Variants in CCDC170 observed in about 807,000 individuals in gnomAD.
The protein encoded by CCDC170 is coiled-coil domain containing 170, also known as coiled-coil domain-containing protein 170.
Under a neutral mutation model 72.6 loss-of-function variants are expected in CCDC170, and 69 were observed. The observed-to-expected ratio is 0.95, with a 90% CI of 0.78 to 1.16. The LOEUF (loss-of-function observed/expected upper bound fraction) is 1.16, where lower values mean the gene tolerates loss of function less well. Among genes scored for constraint, CCDC170 ranks in the 50% most tolerant of loss-of-function variants. The pLI, the probability that CCDC170 is intolerant of heterozygous loss-of-function variation, is 0.00. For synonymous variants in CCDC170, 300 were observed against 303.9 expected (o/e 0.99, Z 0.13); for missense variants, 852 against 832.5 (o/e 1.02, Z -0.29).
At chr6:151,498,203 C>T (rs892759701) in intron 1 of CCDC170, among the ~76,000 whole-genome samples, 2 of 152,042 alleles carry the variant, frequency 1.3e-5, no homozygotes, top group Non-Finnish European at 2.9e-5. Context: ...CATCTCTTTC[C>T]TTTCTGTAAA....
intron 8 of CCDC170, among the ~76,000 whole-genome samples, chr6:151,596,113 A>AT (rs1776617388): frequency 6.6e-6 from 1 of 152,110 alleles, no homozygotes; most frequent in Non-Finnish European, 1.5e-5. Flanking sequence ...ACTCCTGCAC[A>AT]TTTTCTGGGG....
rs576299887 is a variant in CCDC170 at position 151,591,651 on chromosome 6, C to T, written c.1294-1456C>T. 1.1e-4 allele frequency among the ~76,000 whole-genome samples: 17 copies of T among 152,066 alleles called. No individual in the cohort carries two copies. The East Asian group carries it at 1.6e-3, about 14-fold the overall frequency. On this transcript the variant is annotated intron_variant, in intron 7 of 10. Coordinates refer to ENST00000239374, the MANE Select transcript of CCDC170 (RefSeq NM_025059.4). ...CTGGGACTACAGGTGCCCGCCACCA[C>T]GCCCAGCTAATTTTTTTGTATTTTT...
chr6:151,577,270 C>A (rs1229904696), intron 6 of CCDC170, among the ~76,000 whole-genome samples: 1 of 152,104 alleles, frequency 6.6e-6, no homozygotes, highest in Non-Finnish European at 1.5e-5. Flanking sequence ...TTTGTGACAA[C>A]CACAGATGTC....
At chr6:151,587,701 C>T (rs192835701) in intron 7 of CCDC170, among the ~76,000 whole-genome samples, 14 of 152,194 alleles carry the variant, frequency 9.2e-5, no homozygotes, top group Non-Finnish European at 1.8e-4. Context: ...ACAGGGAGAT[C>T]GGGGCGTAAT....
intron 3 of CCDC170, among the ~76,000 whole-genome samples, chr6:151,540,594 C>T (rs936503330): frequency 2.0e-5 from 3 of 151,474 alleles, no homozygotes; most frequent in Non-Finnish European, 4.4e-5. Flanking sequence ...ACCATGTTGG[C>T]CAGGGTGGTC....
At chr6:151,582,254 A>G (rs1475938076) in intron 6 of CCDC170, among the ~76,000 whole-genome samples, 1 of 152,194 alleles carries the variant, frequency 6.6e-6, no homozygotes, top group Non-Finnish European at 1.5e-5. Context: ...TCTTAGCTAG[A>G]TCTTGTGGAT....
intron 7 of CCDC170, among the ~76,000 whole-genome samples, chr6:151,589,916 C>G (rs1194967986): frequency 3.3e-5 from 5 of 152,138 alleles, no homozygotes; most frequent in African/African-American, 1.2e-4. Flanking sequence ...TGGCAGGACC[C>G]TGGTGGGGTC....
intron 5 of CCDC170, among the ~76,000 whole-genome samples, chr6:151,550,432 G>A (rs1782860026): frequency 6.6e-6 from 1 of 152,174 alleles, no homozygotes; most frequent in Non-Finnish European, 1.5e-5. Context: ...TCTGTCTAGT[G>A]ACAGCCACAC....
chr6:151,586,051 G>T lies in CCDC170; in HGVS notation c.1255G>T (p.Gly419Cys), dbSNP rs1475914790. The T allele has an allele frequency of 6.2e-7, 1 of 1,614,098 alleles. No individual in the cohort carries two copies. The highest frequency in any genetic ancestry group is 2.2e-5 in the East Asian group (1 of 44,884). ...THLEAELVSG[G>C]VLRDNLNFEK... ...CCTGGAGGCAGAGCTGGTTTCTGGAGGTGTTTTGCGAGACAACTTGAATTT... is the reference window on the plus strand; with the variant it reads ...CCTGGAGGCAGAGCTGGTTTCTGGATGTGTTTTGCGAGACAACTTGAATTT... The change falls in exon 7 of 11, where the codon GGT becomes TGT. Residue 419 changes from glycine (G) to cysteine (C), a missense_variant. By Grantham distance (159) the Gly-to-Cys change is radical (BLOSUM62 -3). Transcript: ENST00000239374.
At chr6:151,515,103 A>G (rs894818249) in intron 1 of CCDC170, among the ~76,000 whole-genome samples, 1 of 152,266 alleles carries the variant, frequency 6.6e-6, no homozygotes, top group Admixed American at 6.5e-5. Flanking sequence ...GCTATTATAA[A>G]GGATTGGCTG....
chr6:151,543,019 G>A (rs573824434), intron 3 of CCDC170, among the ~76,000 whole-genome samples: 10 of 152,018 alleles, frequency 6.6e-5, no homozygotes, highest in African/African-American at 1.4e-4. Flanking sequence ...TTTGAATAGC[G>A]TGAAGGAATT....
At chr6:151,603,021 G>T (rs1029956175) in intron 9 of CCDC170, among the ~76,000 whole-genome samples, 11 of 151,940 alleles carry the variant, frequency 7.2e-5, no homozygotes, top group African/African-American at 2.2e-4. Flanking sequence ...GGCTGGTCGT[G>T]AACTCCTGAC....
intron 6 of CCDC170, among the ~76,000 whole-genome samples, chr6:151,579,186 AAAAAG>A (rs1185581072): frequency 2.0e-5 from 3 of 152,186 alleles, no homozygotes; most frequent in Admixed American, 6.5e-5. Context: ...TGATCCTAAG[AAAAAG>A]AAAAGAAAAG....
chr6:151,572,606 CT>C (rs1182200144), intron 5 of CCDC170, among the ~76,000 whole-genome samples: 1 of 136,044 alleles, frequency 7.4e-6, no homozygotes, highest in East Asian at 2.2e-4. Flanking sequence ...AAGTTTCCTT[CT>C]TTTTTCTAAC....
chr6:151,516,799 C>T (rs747104964), intron 1 of CCDC170, among the ~76,000 whole-genome samples: 32 of 152,126 alleles, frequency 2.1e-4, no homozygotes, highest in Non-Finnish European at 2.6e-4. Flanking sequence ...TTACCTAGTG[C>T]GTGGGGAAGG....
intron 1 of CCDC170, among the ~76,000 whole-genome samples, chr6:151,531,528 C>T (rs978665410): frequency 6.6e-6 from 1 of 152,112 alleles, no homozygotes; most frequent in African/African-American, 2.4e-5. Flanking sequence ...CAACTGAACC[C>T]AGGATGTCAA....
chr6:151,619,321 TG>T lies in CCDC170; in HGVS notation c.*1176del, dbSNP rs1032025582. ...AATATATCCAATACACCCACAGCAA[TG>T]GTACCTTTTTAAGATCAGGATTTTA... On this transcript the variant is annotated 3_prime_UTR_variant, in exon 11 of 11. Transcript: ENST00000239374. 1.3e-5 allele frequency: 2 copies of T among 152,168 alleles called. No homozygotes were observed. Among genetic ancestry groups the T allele is most frequent in the Non-Finnish European group, 2.9e-5 (2 of 68,030 alleles). The allele number at this position is 152,168 out of a possible 1,614,324, so 9.4% of individuals were successfully genotyped here. A position where few individuals can be genotyped will look rare whatever the true frequency, so the allele number is the denominator to read the frequency against.
At chr6:151,571,310 T>C (rs1562285703) in intron 5 of CCDC170, among the ~76,000 whole-genome samples, 2 of 100,262 alleles carry the variant, frequency 2.0e-5, no homozygotes, top group African/African-American at 9.2e-5. Flanking sequence ...TCTAACATAC[T>C]ATTTTTAATA....
At chr6:151,568,362 A>G (rs1776169423) in intron 5 of CCDC170, among the ~76,000 whole-genome samples, 2 of 152,190 alleles carry the variant, frequency 1.3e-5, no homozygotes, top group African/African-American at 4.8e-5. Context: ...CGAAGGAAAT[A>G]GAGCAGGACA....
Sources: allele counts gnomAD v4.1 joint callset (sites outside exome capture counted in the v4.1 genomes callset), GRCh38; gene constraint gnomAD v4.1.1; transcripts MANE v1.5; gene names NCBI Gene and HGNC (gene_info 2026-07-23, HGNC 2026-07-21).